TGM2: variants seen among roughly 807,000 people sequenced by gnomAD.
The protein encoded by TGM2 is transglutaminase 2.
Under a neutral mutation model 75.6 loss-of-function variants are expected in TGM2, and 53 were observed. That is an observed-to-expected ratio of 0.70 (90% CI 0.56 to 0.88). The LOEUF (loss-of-function observed/expected upper bound fraction) is 0.88, where lower values mean the gene tolerates loss of function less well. Among genes scored for constraint, TGM2 ranks in the 40% least tolerant of loss-of-function variants. The pLI is 0.00. For synonymous variants in TGM2, 374 were observed against 381.1 expected (o/e 0.98, Z 0.22); for missense variants, 842 against 928.5 (o/e 0.91, Z 1.21).
At chr20:38,136,427 G>A (rs974190999) in intron 10 of TGM2, among the ~76,000 whole-genome samples, 1 of 152,164 alleles carries the variant, frequency 6.6e-6, no homozygotes, top group East Asian at 1.9e-4. Flanking sequence ...TGCCCCACCC[G>A]AGGGCTCTCC....
At chr20:38,167,185 G>A (rs955812754), upstream of TGM2, among the ~76,000 whole-genome samples, 1 of 152,146 alleles carries the variant, frequency 6.6e-6, no homozygotes, top group Non-Finnish European at 1.5e-5. Flanking sequence ...GGAGAGACGG[G>A]AGGCATGGGG....
Position 38,129,976 on chromosome 20 carries a change from C to G in TGM2, c.*243G>C. The G allele has an allele frequency of 3.5e-6, 2 of 576,186 alleles. No homozygotes were observed. Among genetic ancestry groups the G allele is most frequent in the Non-Finnish European group, 6.1e-6 (2 of 325,736 alleles). The allele number at this position is 576,186 out of a possible 1,614,324, so 35.7% of individuals were successfully genotyped here. On this transcript the variant is annotated 3_prime_UTR_variant, in exon 13 of 13. Transcript: ENST00000361475. Reference sequence around the variant, plus strand: ...CTCTCTCACCCCAGCCCCAGTCAGCCAAGGTCAGGGCTCCCACTGTTTCTG... The same window carrying G: ...CTCTCTCACCCCAGCCCCAGTCAGCGAAGGTCAGGGCTCCCACTGTTTCTG...
chr20:38,147,791 A>C (rs1213749107), intron 5 of TGM2, among the ~76,000 whole-genome samples, 170 bp downstream of exon 5: 1 of 152,216 alleles, frequency 6.6e-6, no homozygotes, highest in East Asian at 1.9e-4. Flanking sequence ...ACCCCATAGC[A>C]TCACCCTCAT....
At chr20:38,149,655 G>A in intron 4 of TGM2, among the ~76,000 whole-genome samples, 1 of 120,016 alleles carries the variant, frequency 8.3e-6, no homozygotes, top group African/African-American at 3.3e-5. Context: ...CTCCAGCCTG[G>A]GCAACAGAGC....
intron 2 of TGM2, 88 bp downstream of exon 2, chr20:38,161,332 G>T (rs1011891888): frequency 1.3e-6 from 2 of 1,519,662 alleles, no homozygotes; most frequent in Non-Finnish European, 1.8e-6. Context: ...TATTTGTCCT[G>T]TTCTCTGTCA....
chr20:38,130,594 G>A (rs375598512), intron 12 of TGM2, among the ~76,000 whole-genome samples: 11 of 152,204 alleles, frequency 7.2e-5, no homozygotes, highest in African/African-American at 2.7e-4. Flanking sequence ...GTGCATTTAG[G>A]GGCACAAGGG....
chr20:38,152,323 T>C (rs2075124239), intron 3 of TGM2, among the ~76,000 whole-genome samples: 1 of 152,202 alleles, frequency 6.6e-6, no homozygotes, highest in Admixed American at 6.5e-5. Context: ...GCCCTGACTT[T>C]CATCGTAGTG....
At position 38,150,982 on chromosome 20, in the gene TGM2, C is replaced by A. The variant is rs2075109074; in HGVS notation, c.509G>T (p.Gly170Val). The part of the protein sequence containing the change: ...VLTQQGFIYQ[G>V]SAKFIKNIPW... ...TATGTTCTTGATGAACTTGGCCGAGCCCTGGTAGATAAAGCCCTGCTGGGT... is the reference window on the plus strand; with the variant it reads ...TATGTTCTTGATGAACTTGGCCGAGACCTGGTAGATAAAGCCCTGCTGGGT... Residue 170 changes from glycine (G) to valine (V), a missense_variant, in exon 4 of 13, where the codon GGC (glycine) becomes GTC (valine). Physicochemically the swap from Gly to Val is moderately radical, Grantham distance 109. Transcript: ENST00000361475. 6.2e-7 allele frequency: 1 copy of A among 1,614,158 alleles called. No individual in the cohort carries two copies. The highest frequency in any genetic ancestry group is 8.5e-7 in the Non-Finnish European group (1 of 1,180,000).
At chr20:38,137,965 T>G in intron 10 of TGM2, 148 bp downstream of exon 10, 1 of 1,444,076 alleles carries the variant, frequency 6.9e-7, no homozygotes, top group Non-Finnish European at 9.1e-7. Context: ...GGGTTGATAT[T>G]TATAAAGTGC....
At chr20:38,140,820 A>T (rs1409043360) in intron 8 of TGM2, among the ~76,000 whole-genome samples, 4 of 152,218 alleles carry the variant, frequency 2.6e-5, no homozygotes, top group Non-Finnish European at 5.9e-5. Context: ...TATTTTATAC[A>T]TTTAAAAATA....
chr20:38,133,920 G>C (rs900854067), intron 10 of TGM2, among the ~76,000 whole-genome samples: 6 of 152,132 alleles, frequency 3.9e-5, no homozygotes, highest in Non-Finnish European at 8.8e-5. Context: ...GTGAGACCCT[G>C]TCTCAAGGGG....
Position 38,165,223 on chromosome 20 carries a change from T to TCCACTGGCGGCGAGACCCTCCAAGTGCGA in TGM2, c.-54_-26dup. On this transcript the variant is annotated 5_prime_UTR_variant, in exon 1 of 13. Transcript: ENST00000361475. Reference sequence around the variant, plus strand: ...TGGTCGGGCGGGGGCGGTGGCTCCTTCCACTGGCGGCGAGACCCTCCAAGT... The same window carrying TCCACTGGCGGCGAGACCCTCCAAGTGCGA: ...TGGTCGGGCGGGGGCGGTGGCTCCTTCCACTGGCGGCGAGACCCTCCAAGTGCGACCACTGGCGGCGAGACCCTCCAAGT... The TCCACTGGCGGCGAGACCCTCCAAGTGCGA allele has an allele frequency of 6.2e-7, 1 of 1,612,754 alleles. No homozygotes were observed. The highest frequency in any genetic ancestry group is 8.5e-7 in the Non-Finnish European group (1 of 1,179,824).
intron 1 of TGM2, among the ~76,000 whole-genome samples, chr20:38,163,866 AGTCCCTGGGCT>A (rs2075282011): frequency 6.6e-6 from 1 of 152,232 alleles, no homozygotes; most frequent in Non-Finnish European, 1.5e-5. Flanking sequence ...AGATACGGCC[AGTCCCTGGGCT>A]GTGGGAGCTG....
In TGM2 at chr20:38,146,906, G is replaced by A. The variant is rs760624455; in HGVS notation, c.682-12C>T. ...TCGTTGCAGTTGACCTGCAACCAGT[G>A]GGGCAGCACGGGGACTGAGCCTGGG... is the stretch of plus-strand genomic sequence containing the variant. On this transcript the variant is annotated splice_polypyrimidine_tract_variant and intron_variant, in intron 5 of 12. Transcript: ENST00000361475. 5 of 1,610,314 alleles carry A rather than the reference G, an allele frequency of 3.1e-6. No homozygotes were observed. Among genetic ancestry groups the A allele is most frequent in the South Asian group, 1.1e-5 (1 of 90,976 alleles).
chr20:38,151,857 G>A (rs1360846570), intron 3 of TGM2, among the ~76,000 whole-genome samples: 1 of 152,210 alleles, frequency 6.6e-6, no homozygotes, highest in Non-Finnish European at 1.5e-5. Context: ...TTAGTTGTCT[G>A]TGGCCAGTGA....
At position 38,142,037 on chromosome 20, in the gene TGM2, CCGAT is replaced by C. The variant is rs2074981187; in HGVS notation, c.995+23_995+26del. ...TCCATGGGGCCCTCCCTACTGGGCT[CCGAT>C]CCCACCCTGGCCCCCACCTCACCAG... On this transcript the variant is annotated intron_variant, in intron 7 of 12. Coordinates refer to ENST00000361475, the MANE Select transcript of TGM2 (RefSeq NM_004613.4). 1.9e-6 allele frequency: 3 copies of C among 1,613,882 alleles called. No homozygotes were observed. In the African/African-American group the frequency reaches 4.0e-5, roughly 22 times the overall value.
intron 10 of TGM2, among the ~76,000 whole-genome samples, chr20:38,136,582 G>T (rs913891920): frequency 2.0e-5 from 3 of 152,174 alleles, no homozygotes; most frequent in Admixed American, 6.5e-5. Flanking sequence ...GTGGCCATTT[G>T]CTCTGGTGAC....
intron 2 of TGM2, among the ~76,000 whole-genome samples, chr20:38,159,456 G>A (rs1289013158): frequency 1.3e-5 from 2 of 151,716 alleles, no homozygotes; most frequent in African/African-American, 2.4e-5. Flanking sequence ...ACAAACCCCC[G>A]TGACACGAGT....
At chr20:38,139,045 G>T (rs2074935816) in intron 9 of TGM2, among the ~76,000 whole-genome samples, 1 of 152,192 alleles carries the variant, frequency 6.6e-6, no homozygotes, top group African/African-American at 2.4e-5. Context: ...AGGAACTATG[G>T]TTTCTTAGTC....
Sources: gnomAD v4.1 joint callset for allele counts (sites outside exome capture counted in the v4.1 genomes callset) on GRCh38, gnomAD v4.1.1 for gene constraint, MANE v1.5 for transcripts, NCBI Gene and HGNC (gene_info 2026-07-23, HGNC 2026-07-21) for gene names.